Variants in WDR49 observed in about 807,000 individuals in gnomAD.
WDR49 encodes cilia- and flagella-associated protein 337.
Under a neutral mutation model 119.5 loss-of-function variants are expected in WDR49, and 107 were observed. The observed-to-expected ratio is 0.90, with a 90% CI of 0.77 to 1.05. WDR49 has a LOEUF of 1.05. Among genes scored for constraint, WDR49 ranks in the 50% least tolerant of loss-of-function variants. The pLI is 0.00. For synonymous variants in WDR49, 425 were observed against 418.8 expected, an observed-to-expected ratio of 1.01 and a Z score of -0.18; for missense variants, 1,240 against 1,220.5, an observed-to-expected ratio of 1.02 and a Z score of -0.24.
At chr3:167,609,394 A>G (rs543985177) in intron 5 of WDR49, among the ~76,000 whole-genome samples, 5 of 152,070 alleles carry the variant, frequency 3.3e-5, no homozygotes, top group Admixed American at 2.6e-4. Context: ...GAACTGGGGG[A>G]GAGAGAGCAG....
chr3:167,533,609 C>T (rs1033675055), intron 11 of WDR49, among the ~76,000 whole-genome samples: 1 of 151,962 alleles, frequency 6.6e-6, no homozygotes, highest in African/African-American at 2.4e-5. Flanking sequence ...TGAATATTGT[C>T]TTTATTGAAT....
intron 10 of WDR49, among the ~76,000 whole-genome samples, chr3:167,548,115 T>A (rs1712320838): frequency 6.6e-6 from 1 of 152,052 alleles, no homozygotes; most frequent in African/African-American, 2.4e-5. Context: ...GTAGGGTCCA[T>A]TTTCATTTCC....
At chr3:167,559,103 C>T (rs1306772508) in intron 9 of WDR49, among the ~76,000 whole-genome samples, 3 of 152,288 alleles carry the variant, frequency 2.0e-5, no homozygotes, top group Admixed American at 2.0e-4. Context: ...CCCTTTTCAA[C>T]CCACAATAGC....
chr3:167,653,563 T>C (rs1718489597), intron 1 of WDR49, 64 bp from the exon 2 acceptor site: 1 of 1,064,236 alleles, frequency 9.4e-7, no homozygotes, highest in African/African-American at 1.6e-5. Context: ...TTTCAAGGCA[T>C]ACGATCAGGA....
At chr3:167,589,941 A>C (rs1214949380) in intron 7 of WDR49, among the ~76,000 whole-genome samples, 3 of 152,052 alleles carry the variant, frequency 2.0e-5, no homozygotes, top group Non-Finnish European at 4.4e-5. Flanking sequence ...GCTAGGACTT[A>C]CAGTACTATA....
At chr3:167,503,835 C>A (rs1279555690) in intron 17 of WDR49, among the ~76,000 whole-genome samples, 1 of 152,184 alleles carries the variant, frequency 6.6e-6, no homozygotes, top group African/African-American at 2.4e-5. Flanking sequence ...GGGAGGGGAC[C>A]CAAAGGTGGT....
intron 2 of WDR49, among the ~76,000 whole-genome samples, chr3:167,644,303 G>T (rs1215150008): frequency 6.6e-6 from 1 of 151,984 alleles, no homozygotes; most frequent in Non-Finnish European, 1.5e-5. Context: ...AGCATTTTAA[G>T]AACATTTATG....
chr3:167,481,645 T>G (rs1560242207), intron 18 of WDR49, among the ~76,000 whole-genome samples: 1 of 152,130 alleles, frequency 6.6e-6, no homozygotes, highest in Non-Finnish European at 1.5e-5. Flanking sequence ...AAAGCTTTAA[T>G]TGGACTTAAT....
At chr3:167,646,902 G>C (rs1718154859) in intron 2 of WDR49, among the ~76,000 whole-genome samples, 2 of 152,078 alleles carry the variant, frequency 1.3e-5, no homozygotes, top group Admixed American at 6.6e-5. Flanking sequence ...ACCCCAAGGG[G>C]CTTTTTCTTG....
At chr3:167,645,926 T>C (rs890450420) in intron 2 of WDR49, among the ~76,000 whole-genome samples, 1 of 152,182 alleles carries the variant, frequency 6.6e-6, no homozygotes, top group African/African-American at 2.4e-5. Flanking sequence ...AACAGGGTCA[T>C]TGTAGGGCGC....
Position 167,577,733 on chromosome 3 carries a change from C to T in WDR49, c.1276-1582G>A, listed in dbSNP as rs57410991. Among the ~76,000 whole-genome samples the T allele has an allele frequency of 6.9e-3, 1,047 of 152,114 alleles. 56 individuals are homozygous for T. In the East Asian group the frequency reaches 0.13, roughly 20 times the overall value. Reference sequence around the variant, plus strand: ...CAATATTTCAAATAAACTAGTCTATCCAACATGAAAATTATTTCTAAATTA... The same window carrying T: ...CAATATTTCAAATAAACTAGTCTATTCAACATGAAAATTATTTCTAAATTA... On this transcript the variant is annotated intron_variant, in intron 7 of 18. Transcript: ENST00000682715.
chr3:167,626,814 T>A (rs1717146261), intron 3 of WDR49, 38 bp downstream of exon 3: 1 of 1,230,606 alleles, frequency 8.1e-7, no homozygotes, highest in Non-Finnish European at 1.0e-6. Flanking sequence ...GTTTTCCCTC[T>A]TTTACAAGCA....
At chr3:167,594,451 G>A (rs1355743937) in intron 7 of WDR49, among the ~76,000 whole-genome samples, 1 of 152,148 alleles carries the variant, frequency 6.6e-6, no homozygotes, top group Non-Finnish European at 1.5e-5. Flanking sequence ...ACTTGAGAGA[G>A]ATGATTTAGG....
intron 16 of WDR49, among the ~76,000 whole-genome samples, chr3:167,510,493 A>G (rs570772221): frequency 1.5e-4 from 23 of 152,104 alleles, no homozygotes; most frequent in Non-Finnish European, 2.6e-4. Context: ...TGCAGACTCT[A>G]GGAAAAGGAT....
At position 167,479,016 on chromosome 3, in the gene WDR49, A is replaced by T; in HGVS notation, c.3032-20T>A. 1.3e-6 allele frequency: 2 copies of T among 1,515,702 alleles called. No individual in the cohort carries two copies. Among genetic ancestry groups the T allele is most frequent in the Non-Finnish European group, 1.8e-6 (2 of 1,106,312 alleles). 93.9% of individuals were successfully genotyped at this position (1,515,702 alleles called of 1,614,324 possible). ...TCAAAGCTACAAAATGATGAGGAAA[A>T]TCACAAGTGAATTATATTTGTTAAG... is the stretch of plus-strand genomic sequence containing the variant. On this transcript the variant is annotated intron_variant, in intron 18 of 18. Transcript: ENST00000682715.
At chr3:167,528,062 A>G (rs1752700114) in intron 14 of WDR49, 45 bp from the exon 15 acceptor site, 5 of 1,516,208 alleles carry the variant, frequency 3.3e-6, no homozygotes, top group Non-Finnish European at 4.5e-6. Context: ...TCAAATATGA[A>G]ATGATTACAA....
chr3:167,565,626 T>C (rs1713548324), intron 8 of WDR49, among the ~76,000 whole-genome samples: 1 of 152,086 alleles, frequency 6.6e-6, no homozygotes, highest in Admixed American at 6.6e-5. Context: ...GCCAACCAGA[T>C]ACTTGGGTGA....
At chr3:167,630,875 C>G (rs183692877) in intron 2 of WDR49, among the ~76,000 whole-genome samples, 1 of 152,152 alleles carries the variant, frequency 6.6e-6, no homozygotes, top group African/African-American at 2.4e-5. Flanking sequence ...TCATAGTCAA[C>G]AGCATCACAA....
chr3:167,494,336 C>T (rs777548173), intron 18 of WDR49, among the ~76,000 whole-genome samples: 1 of 152,080 alleles, frequency 6.6e-6, no homozygotes, highest in Non-Finnish European at 1.5e-5. Context: ...AGGCATCTAC[C>T]GCAGTTTTCA....
Sources: gnomAD v4.1 joint callset for allele counts (sites outside exome capture counted in the v4.1 genomes callset) on GRCh38, gnomAD v4.1.1 for gene constraint, MANE v1.5 for transcripts, NCBI Gene and HGNC (gene_info 2026-07-23, HGNC 2026-07-21) for gene names.